MAP7: variants seen among roughly 807,000 people sequenced by gnomAD.
The protein encoded by MAP7 is microtubule associated protein 7.
MAP7 carries 52 observed loss-of-function variants against 94.8 expected under a neutral mutation model. That is an observed-to-expected ratio of 0.55 (90% CI 0.44 to 0.69). The LOEUF is 0.69. Among genes scored for constraint, MAP7 ranks in the 30% least tolerant of loss-of-function variants. The probability of loss-of-function intolerance (pLI) is 0.00; values close to 1 mark genes in which losing one functional copy is unlikely to be tolerated. For missense variants in MAP7, 940 were observed against 964.6 expected (o/e 0.97, Z 0.34); for synonymous variants, 350 against 357.0 (o/e 0.98, Z 0.22).
chr6:136,417,744 G>T (rs1282031694), intron 2 of MAP7, among the ~76,000 whole-genome samples: 2 of 152,138 alleles, frequency 1.3e-5, no homozygotes, highest in Non-Finnish European at 2.9e-5. Flanking sequence ...GCCCATCCAC[G>T]CACCATGGCA....
In MAP7 at chr6:136,383,785, A is replaced by G. The variant is rs763392910; in HGVS notation, c.527-4T>C. 20 of 1,557,450 alleles carry G rather than the reference A, an allele frequency of 1.3e-5. No individual in the cohort carries two copies. Among genetic ancestry groups the G allele is most frequent in the Non-Finnish European group, 1.8e-5 (20 of 1,129,936 alleles). ...GAAACTGACCGCCTGTCTGGATCTA[A>G]AACAAATGGAGATAATGCTAATTGA... On this transcript the variant is annotated splice_polypyrimidine_tract_variant and splice_region_variant and intron_variant, in intron 5 of 17. Transcript: ENST00000354570.
chr6:136,425,999 T>C (rs939447227), intron 1 of MAP7, among the ~76,000 whole-genome samples: 1 of 152,192 alleles, frequency 6.6e-6, no homozygotes, highest in Non-Finnish European at 1.5e-5. Context: ...TTTCTTGTCC[T>C]ATGTTTCTAG....
intron 16 of MAP7, among the ~76,000 whole-genome samples, chr6:136,349,748 G>A (rs930672541): frequency 6.6e-6 from 1 of 152,118 alleles, no homozygotes; most frequent in Non-Finnish European, 1.5e-5. Context: ...TCTAACTAAT[G>A]TCAGTGGGGA....
intron 1 of MAP7, among the ~76,000 whole-genome samples, chr6:136,478,406 G>A (rs575329033): frequency 6.6e-6 from 1 of 151,894 alleles, no homozygotes; most frequent in African/African-American, 2.4e-5. Flanking sequence ...AAGACAGCAA[G>A]ACCCTGTCTG....
intron 1 of MAP7, among the ~76,000 whole-genome samples, chr6:136,441,911 C>T (rs1797973644): frequency 6.6e-6 from 1 of 151,768 alleles, no homozygotes. Context: ...ACTTGGGAGG[C>T]TGAGGTGGGA....
At chr6:136,448,270 C>T (rs2128873442) in intron 1 of MAP7, among the ~76,000 whole-genome samples, 1 of 152,302 alleles carries the variant, frequency 6.6e-6, no homozygotes, top group Admixed American at 6.5e-5. Flanking sequence ...CAACAATGCT[C>T]TGGTGTCTGT....
intron 1 of MAP7, among the ~76,000 whole-genome samples, chr6:136,501,112 A>G (rs1248216714): frequency 6.6e-6 from 1 of 152,208 alleles, no homozygotes; most frequent in Non-Finnish European, 1.5e-5. Flanking sequence ...TATTATTTCC[A>G]AAGTAGAACT....
chr6:136,541,256 C>A (rs1260874954), intron 1 of MAP7, among the ~76,000 whole-genome samples: 1 of 152,156 alleles, frequency 6.6e-6, no homozygotes, highest in African/African-American at 2.4e-5. Flanking sequence ...AAGTAGGCTT[C>A]ATGATGAGGG....
chr6:136,369,087 C>T (rs990791770), intron 8 of MAP7, among the ~76,000 whole-genome samples: 2 of 152,206 alleles, frequency 1.3e-5, no homozygotes, highest in African/African-American at 4.8e-5. Flanking sequence ...CTTGCATTAA[C>T]ACTTACTGCT....
intron 1 of MAP7, among the ~76,000 whole-genome samples, chr6:136,448,083 T>C (rs1301192492): frequency 6.6e-6 from 1 of 151,986 alleles, no homozygotes; most frequent in Non-Finnish European, 1.5e-5. Context: ...TCCCAGCTAT[T>C]TAGGAGGCTG....
intron 1 of MAP7, among the ~76,000 whole-genome samples, chr6:136,456,837 AGAAGAAGAAGAG>A (rs1305869679): frequency 1.8e-4 from 21 of 117,514 alleles, no homozygotes; most frequent in Non-Finnish European, 3.6e-4. Context: ...AAGAAGAAGA[AGAAGAAGAAGAG>A]GAAGAAGAAG....
At chr6:136,409,557 T>C (rs1387641048) in intron 3 of MAP7, among the ~76,000 whole-genome samples, 3 of 152,260 alleles carry the variant, frequency 2.0e-5, no homozygotes, top group Non-Finnish European at 4.4e-5. Context: ...AATGTCTTTT[T>C]TCCACCTGTT....
chr6:136,455,834 TC>T (rs1228741249), intron 1 of MAP7, among the ~76,000 whole-genome samples: 3 of 152,182 alleles, frequency 2.0e-5, no homozygotes, highest in Admixed American at 2.0e-4. Flanking sequence ...GCACAAATTT[TC>T]TTTTTGTAAA....
chr6:136,367,244 A>G (rs1794568319), intron 8 of MAP7, among the ~76,000 whole-genome samples: 1 of 152,202 alleles, frequency 6.6e-6, no homozygotes, highest in Non-Finnish European at 1.5e-5. Context: ...AAAACAAACA[A>G]ACAAAAATTG....
At chr6:136,540,381 G>T (rs183204698) in intron 1 of MAP7, among the ~76,000 whole-genome samples, 1 of 152,094 alleles carries the variant, frequency 6.6e-6, no homozygotes, top group Non-Finnish European at 1.5e-5. Context: ...AACCTTTCCT[G>T]GTTTTAAGGG....
rs1422498172 is a variant in MAP7, at chr6:136,343,436, A to T, written c.*792T>A. On this transcript the variant is annotated 3_prime_UTR_variant, in exon 18 of 18. Coordinates refer to ENST00000354570, the MANE Select transcript of MAP7 (RefSeq NM_003980.6). Reference sequence around the variant, plus strand: ...ACTTCAGAAATAGCCCTGAATCATCAGTAACATTCTATCGTGGTAACATCA... The same window carrying T: ...ACTTCAGAAATAGCCCTGAATCATCTGTAACATTCTATCGTGGTAACATCA... 6.5e-6 allele frequency: 1 copy of T among 152,688 alleles called. No individual in the cohort carries two copies. The allele number at this position is 152,688 out of a possible 1,614,324, so 9.5% of individuals were successfully genotyped here.
At chr6:136,494,965 C>T (rs1358726073) in intron 1 of MAP7, among the ~76,000 whole-genome samples, 1 of 152,090 alleles carries the variant, frequency 6.6e-6, no homozygotes, top group African/African-American at 2.4e-5. Context: ...TGAGAGACAG[C>T]GTGACACCTC....
At chr6:136,359,748 A>G in intron 15 of MAP7, 72 bp downstream of exon 15, 1 of 1,404,962 alleles carries the variant, frequency 7.1e-7, no homozygotes, top group East Asian at 2.3e-5. Context: ...CAATTCCTGA[A>G]TATCTTCACC....
chr6:136,377,609 A>G lies in MAP7; in HGVS notation c.751+146T>C, dbSNP rs1776552765. On this transcript the variant is annotated intron_variant, in intron 7 of 17. Transcript: ENST00000354570. ...AGGCAGATGCCCAGAGGAAACAATG[A>G]CAGGGGTATGAAACCAACACCGACA... is the stretch of plus-strand genomic sequence containing the variant. 5 of 604,984 alleles carry G rather than the reference A, an allele frequency of 8.3e-6. No individual in the cohort carries two copies. In the Admixed American group the frequency reaches 1.2e-4, roughly 15 times the overall value. The allele number at this position is 604,984 out of a possible 1,614,324, so 37.5% of individuals were successfully genotyped here. A position where few individuals can be genotyped will look rare whatever the true frequency, so the allele number is the denominator to read the frequency against.
Sources: gnomAD v4.1 joint callset for allele counts (sites outside exome capture counted in the v4.1 genomes callset) on GRCh38, gnomAD v4.1.1 for gene constraint, MANE v1.5 for transcripts, NCBI Gene and HGNC (gene_info 2026-07-23, HGNC 2026-07-21) for gene names.